Variants in SEC23A observed in about 807,000 individuals in gnomAD.
The protein encoded by SEC23A is protein transport protein Sec23A.
In SEC23A, 56 loss-of-function variants were observed where a neutral mutation model predicts 103.7. The observed-to-expected ratio is 0.54, with a 90% CI of 0.44 to 0.67. The LOEUF (loss-of-function observed/expected upper bound fraction) is 0.67. SEC23A is among the 30% of genes least tolerant of loss of function. The pLI is 0.00. For missense variants in SEC23A, 784 were observed against 936.4 expected (o/e 0.84, Z 2.12); for synonymous variants, 281 against 293.0 (o/e 0.96, Z 0.42).
chr14:39,095,103 G>GTA (rs1332224030), intron 2 of SEC23A: 1 of 654,152 alleles, frequency 1.5e-6, no homozygotes, highest in East Asian at 2.7e-5. Flanking sequence ...TTGAAGCAGG[G>GTA]TATACTACCA....
chr14:39,048,325 C>A (rs1885918152), intron 15 of SEC23A, among the ~76,000 whole-genome samples: 1 of 151,932 alleles, frequency 6.6e-6, no homozygotes. Flanking sequence ...ACTGGCCACA[C>A]AAGAAAAGAA....
At position 39,081,110 on chromosome 14, in the gene SEC23A, C is replaced by G. The variant is rs565626008; in HGVS notation, c.828+4652G>C. Among the ~76,000 whole-genome samples, 37 of 151,762 alleles carry G rather than the reference C, an allele frequency of 2.4e-4. 1 individual carries two copies. The South Asian group carries it at 7.5e-3, about 31-fold the overall frequency. On this transcript the variant is annotated intron_variant, in intron 7 of 19. Coordinates refer to ENST00000307712, the MANE Select transcript of SEC23A (RefSeq NM_006364.4). ...CCAGCTACTTGGGAGGAGTCTGAGGCTGGAGGACTGCTTGAGACCAGGAGT... is the reference window on the plus strand; with the variant it reads ...CCAGCTACTTGGGAGGAGTCTGAGGGTGGAGGACTGCTTGAGACCAGGAGT...
rs573355874 is a variant in SEC23A at position 39,061,855 on chromosome 14, G to A, written c.1415C>T (p.Pro472Leu). 1.2e-6 allele frequency: 2 copies of A among 1,613,272 alleles called. No homozygotes were observed. Among genetic ancestry groups the A allele is most frequent in the South Asian group, 2.2e-5 (2 of 91,068 alleles). The stretch of plus-strand genomic sequence containing the variant: ...CTGGATTGCACCACGCCCTCCTTGA[G>A]GAATTGGAGCATTATGCTGTATAAA... Reference protein sequence around the residue: ...EVVNQHNAPIPQGGRGAIQFV... With the variant: ...EVVNQHNAPILQGGRGAIQFV... The change falls in exon 13 of 20, where the codon CCT becomes CTT. Residue 472 changes from proline to leucine, a missense_variant. By Grantham distance (98) the Pro-to-Leu change is moderately conservative. Transcript: ENST00000307712.
At chr14:39,076,133 G>A in intron 7 of SEC23A, 40 bp from the exon 8 acceptor site, 2 of 1,402,520 alleles carry the variant, frequency 1.4e-6, no homozygotes, top group Non-Finnish European at 2.0e-6. Flanking sequence ...GAAAACATAT[G>A]AATATACATT....
At chr14:39,043,753 C>T (rs1885732848) in intron 16 of SEC23A, among the ~76,000 whole-genome samples, 1 of 152,138 alleles carries the variant, frequency 6.6e-6, no homozygotes, top group South Asian at 2.1e-4. Context: ...ATAGGTGTCA[C>T]AGAAGCCTAG....
At chr14:39,040,395 A>G in intron 18 of SEC23A, 1 of 230,720 alleles carries the variant, frequency 4.3e-6, no homozygotes, top group Non-Finnish European at 8.5e-6. Context: ...ACAGTAAATA[A>G]ACGGCTTTAA....
intron 9 of SEC23A, among the ~76,000 whole-genome samples, chr14:39,071,427 GTAATCCAGA>G: frequency 6.6e-6 from 1 of 152,104 alleles, no homozygotes; most frequent in East Asian, 1.9e-4. Context: ...CTACATGCCT[GTAATCCAGA>G]TACCTGGAAG....
In SEC23A at chr14:39,091,586, C is replaced by G; in HGVS notation, c.494G>C (p.Gly165Ala). The change falls in exon 5 of 20, where the codon GGA (glycine) becomes GCA (alanine). Residue 165 changes from glycine (G) to alanine (A), a missense_variant. Transcript: ENST00000307712. ...AACCATTCTCCCAAAAGTAATAAGT[C>G]CAACCAAAGCTGTAGGTGGTAAAAG... ...LSLLPPTALVGLITFGRMVQV... is the reference protein window; with the variant it reads ...LSLLPPTALVALITFGRMVQV... 1 of 1,613,970 alleles carries G rather than the reference C, an allele frequency of 6.2e-7. No homozygotes were observed. Among genetic ancestry groups the G allele is most frequent in the Non-Finnish European group, 8.5e-7 (1 of 1,179,962 alleles).
intron 13 of SEC23A, among the ~76,000 whole-genome samples, chr14:39,061,360 A>G (rs1054505673): frequency 6.6e-6 from 1 of 152,118 alleles, no homozygotes; most frequent in Non-Finnish European, 1.5e-5. Context: ...AATGAATTAA[A>G]TGACTAATAA....
At chr14:39,094,836 A>G in intron 2 of SEC23A, 1 of 593,636 alleles carries the variant, frequency 1.7e-6, no homozygotes. Flanking sequence ...GATGAGAATA[A>G]GGAAAATGGA....
chr14:39,075,406 A>G (rs1468505058), intron 8 of SEC23A, among the ~76,000 whole-genome samples: 1 of 152,204 alleles, frequency 6.6e-6, no homozygotes, highest in African/African-American at 2.4e-5. Flanking sequence ...TGAACTCTAG[A>G]GAATTTAAAA....
In SEC23A at chr14:39,045,173, CCACTAAAAG is replaced by C. The variant is rs1885786813; in HGVS notation, c.1880_1888del (p.Ser627_Gly630delinsTer). On this transcript the variant is annotated stop_gained and inframe_deletion, in exon 16 of 20. Coordinates refer to ENST00000307712, the MANE Select transcript of SEC23A (RefSeq NM_006364.4). LOFTEE classifies it high-confidence loss of function. ...TTCTGTCCCTCTTACCTCTGGTGGT[CCACTAAAAG>C]AATACGCATACAGGATAGGCTGAAT... 1.9e-6 allele frequency: 3 copies of C among 1,613,264 alleles called. No homozygotes were observed. Among genetic ancestry groups the C allele is most frequent in the Non-Finnish European group, 2.5e-6 (3 of 1,179,652 alleles).
At position 39,040,624 on chromosome 14, in the gene SEC23A, C is replaced by T. The variant is rs1885606059; in HGVS notation, c.2142+108G>A. 4 of 1,403,794 alleles carry T rather than the reference C, an allele frequency of 2.8e-6. No homozygotes were observed. The South Asian group carries it at 3.5e-5, about 12-fold the overall frequency. 87.0% of individuals were successfully genotyped at this position (1,403,794 alleles called of 1,614,324 possible). A position where few individuals can be genotyped will look rare whatever the true frequency, so the allele number is the denominator to read the frequency against. On this transcript the variant is annotated intron_variant, in intron 18 of 19. Coordinates refer to ENST00000307712, the MANE Select transcript of SEC23A (RefSeq NM_006364.4). ...ATACCTTCCCCACCTATCTCCTTAC[C>T]TTTCTGTCTGCTTTATGAAGCAATC...
At chr14:39,036,319 T>TAA (rs1885457716) in intron 19 of SEC23A, among the ~76,000 whole-genome samples, 1 of 19,940 alleles carries the variant, frequency 5.0e-5, no homozygotes, top group African/African-American at 2.8e-4. Flanking sequence ...AGACTCCGTC[T>TAA]CAAAAAAAAA....
At chr14:39,098,773 C>T (rs1030458970) in intron 1 of SEC23A, among the ~76,000 whole-genome samples, 23 of 108,882 alleles carry the variant, frequency 2.1e-4, no homozygotes, top group Admixed American at 8.0e-4. Flanking sequence ...GACTCCTTCT[C>T]AAAAAAAAAA....
Position 39,094,418 on chromosome 14 carries a change from ATATATATATATATATATATATATATTTT to A in SEC23A, c.222-1202_222-1175del, listed in dbSNP as rs1241084946. 4.0e-4 allele frequency among the ~76,000 whole-genome samples: 24 copies of A among 59,268 alleles called. 5 individuals carry two copies. Among genetic ancestry groups the A allele is most frequent in the African/African-American group, 2.7e-3 (19 of 7,000 alleles). The allele number at this position is 59,268 out of a possible 152,430, so 38.9% of individuals were successfully genotyped here. On this transcript the variant is annotated intron_variant, in intron 2 of 19. Coordinates refer to ENST00000307712, the MANE Select transcript of SEC23A (RefSeq NM_006364.4). Reference sequence around the variant, plus strand: ...CACACATATATATATATATATATATATATATATATATATATATATATATATTTTTTTTTTTTTTTTTTCCCCTCCTGTA... The same window carrying A: ...CACACATATATATATATATATATATATTTTTTTTTTTTTTCCCCTCCTGTA...
intron 2 of SEC23A, among the ~76,000 whole-genome samples, chr14:39,095,348 G>C (rs1330607893): frequency 1.3e-5 from 2 of 151,316 alleles, no homozygotes; most frequent in East Asian, 3.9e-4. Context: ...CAGAGTTGGA[G>C]TACAGAGGCA....
chr14:39,072,231 C>CA (rs1213542147), intron 9 of SEC23A, among the ~76,000 whole-genome samples: 72 of 120,996 alleles, frequency 6.0e-4, no homozygotes, highest in South Asian at 7.7e-4. Context: ...GACTCTGTCT[C>CA]AAAAAAAAAA....
Position 39,063,521 on chromosome 14 carries a change from A to G in SEC23A, c.1309-108T>C, listed in dbSNP as rs989436115. The G allele has an allele frequency of 4.4e-6, 3 of 682,820 alleles. No individual in the cohort carries two copies. In the African/African-American group the frequency reaches 5.4e-5, roughly 12 times the overall value. The allele number at this position is 682,820 out of a possible 1,614,324, so 42.3% of individuals were successfully genotyped here. ...ACAGGAAAAAAAAAAGTCATGTTTCAAACTAATTCAACAATGTTAAGAGCT... is the reference window on the plus strand; with the variant it reads ...ACAGGAAAAAAAAAAGTCATGTTTCGAACTAATTCAACAATGTTAAGAGCT... On this transcript the variant is annotated intron_variant, in intron 11 of 19. Transcript: ENST00000307712.
Sources: gnomAD v4.1 joint callset for allele counts (sites outside exome capture counted in the v4.1 genomes callset) on GRCh38, gnomAD v4.1.1 for gene constraint, MANE v1.5 for transcripts, NCBI Gene and HGNC (gene_info 2026-07-23, HGNC 2026-07-21) for gene names.